The following ERC2 variants were observed in gnomAD, a reference collection of about 807,000 sequenced individuals.
ERC2 encodes ERC protein 2.
Under a neutral mutation model 114.8 loss-of-function variants are expected in ERC2, and 42 were observed. The ratio of observed to expected loss-of-function variants is 0.37; its 90% CI spans 0.29 to 0.47. The LOEUF (loss-of-function observed/expected upper bound fraction) is 0.47. ERC2 is among the 20% of genes least tolerant of loss of function. The probability of loss-of-function intolerance (pLI) is 0.99; values close to 1 mark genes in which losing one functional copy is unlikely to be tolerated. For synonymous variants in ERC2, 454 were observed against 425.5 expected (o/e 1.07, Z -0.82); for missense variants, 939 against 1,150.7 (o/e 0.82, Z 2.66).
chr3:55,757,857 C>A (rs192675377), intron 14 of ERC2, among the ~76,000 whole-genome samples: 5 of 152,078 alleles, frequency 3.3e-5, no homozygotes, highest in Admixed American at 2.0e-4. Context: ...ACTCTTAGAT[C>A]ATTAAAAGTC....
intron 13 of ERC2, among the ~76,000 whole-genome samples, chr3:55,939,595 C>T (rs1040102646): frequency 3.3e-5 from 5 of 152,240 alleles, no homozygotes; most frequent in African/African-American, 1.2e-4. Flanking sequence ...AGAACCATCA[C>T]TCTGATAAAC....
chr3:56,162,493 G>C (rs551079732), intron 4 of ERC2, among the ~76,000 whole-genome samples: 8 of 152,258 alleles, frequency 5.3e-5, no homozygotes, highest in African/African-American at 1.9e-4. Context: ...ATTCAACTGT[G>C]AACCCATCCA....
chr3:56,187,301 A>G (rs1198471631), intron 3 of ERC2, among the ~76,000 whole-genome samples: 1 of 152,178 alleles, frequency 6.6e-6, no homozygotes, highest in East Asian at 1.9e-4. Context: ...CAGCCACTGG[A>G]GGATGGGTGC....
At chr3:56,372,096 A>G (rs1486972206) in intron 2 of ERC2, among the ~76,000 whole-genome samples, 4 of 152,198 alleles carry the variant, frequency 2.6e-5, no homozygotes, top group Non-Finnish European at 2.9e-5. Flanking sequence ...CCCACAAGAA[A>G]ATGAGCTAAA....
chr3:55,923,405 G>A lies in ERC2; in HGVS notation c.2403+27020C>T, dbSNP rs146672176. Among the ~76,000 whole-genome samples the A allele has an allele frequency of 1.2e-4, 18 of 152,200 alleles. No individual in the cohort carries two copies. The East Asian group carries it at 3.5e-3, about 29-fold the overall frequency. On this transcript the variant is annotated intron_variant, in intron 13 of 17. Coordinates refer to ENST00000288221, the MANE Select transcript of ERC2 (RefSeq NM_015576.3). The stretch of plus-strand genomic sequence containing the variant: ...GGTATGAGGTTATTGGTGAGTTACT[G>A]TTTAACAGATATAGAGTTTCAGTTC...
At chr3:56,216,440 C>A (rs1437438592) in intron 3 of ERC2, among the ~76,000 whole-genome samples, 1 of 152,074 alleles carries the variant, frequency 6.6e-6, no homozygotes, top group Non-Finnish European at 1.5e-5. Flanking sequence ...GAGACCAAAC[C>A]AGGAAGAAGT....
chr3:55,922,172 C>A (rs1313203847), intron 13 of ERC2, among the ~76,000 whole-genome samples: 3 of 152,100 alleles, frequency 2.0e-5, no homozygotes, highest in Non-Finnish European at 4.4e-5. Context: ...TACATTAAAG[C>A]TTAATTTAAA....
intron 6 of ERC2, among the ~76,000 whole-genome samples, chr3:56,100,587 AG>A (rs1253449341): frequency 6.6e-6 from 1 of 152,276 alleles, no homozygotes; most frequent in Non-Finnish European, 1.5e-5. Flanking sequence ...AACAATTCTA[AG>A]TATTGTTTGC....
intron 14 of ERC2, among the ~76,000 whole-genome samples, chr3:55,887,937 G>C (rs1194271742): frequency 6.6e-6 from 1 of 152,242 alleles, no homozygotes; most frequent in Non-Finnish European, 1.5e-5. Flanking sequence ...GAGACTCTGT[G>C]AGAGTCAACA....
At chr3:55,743,225 C>T (rs1377556999) in intron 14 of ERC2, among the ~76,000 whole-genome samples, 1 of 151,806 alleles carries the variant, frequency 6.6e-6, no homozygotes, top group African/African-American at 2.4e-5. Flanking sequence ...CTGTTCCTTG[C>T]TCAGTGCATG....
chr3:55,874,999 C>T (rs2149290946), intron 14 of ERC2, among the ~76,000 whole-genome samples: 1 of 152,248 alleles, frequency 6.6e-6, no homozygotes, highest in East Asian at 1.9e-4. Context: ...ACCTGAAGTG[C>T]CTCTTACTGG....
At chr3:56,144,377 CA>C (rs2081028937) in intron 5 of ERC2, among the ~76,000 whole-genome samples, 1 of 152,206 alleles carries the variant, frequency 6.6e-6, no homozygotes, top group African/African-American at 2.4e-5. Flanking sequence ...ACACTCTTCT[CA>C]GGGGGGTATG....
At chr3:56,221,821 G>A (rs1437773338) in intron 3 of ERC2, among the ~76,000 whole-genome samples, 1 of 151,980 alleles carries the variant, frequency 6.6e-6, no homozygotes, top group Non-Finnish European at 1.5e-5. Context: ...GGAGAATGGT[G>A]TGAACCCAGG....
chr3:55,841,935 C>T (rs2061152895), intron 14 of ERC2, among the ~76,000 whole-genome samples: 1 of 152,116 alleles, frequency 6.6e-6, no homozygotes, highest in African/African-American at 2.4e-5. Context: ...TAATAGTCAG[C>T]CTAGCCTGAA....
At chr3:56,090,147 C>A (rs377604735) in intron 6 of ERC2, among the ~76,000 whole-genome samples, 33 of 152,304 alleles carry the variant, frequency 2.2e-4, no homozygotes, top group African/African-American at 7.7e-4. Flanking sequence ...AACTCTTTCA[C>A]GTCAATCTCT....
chr3:56,004,542 G>A (rs1367035645), intron 10 of ERC2, among the ~76,000 whole-genome samples: 1 of 151,994 alleles, frequency 6.6e-6, no homozygotes, highest in African/African-American at 2.4e-5. Context: ...GTGTCTGAAT[G>A]TTCTCCACAA....
intron 14 of ERC2, among the ~76,000 whole-genome samples, chr3:55,802,377 A>G (rs187465654): frequency 9.7e-4 from 148 of 152,276 alleles, no homozygotes; most frequent in African/African-American, 3.3e-3. Flanking sequence ...GGGGACGGGG[A>G]GGTATGAAGT....
chr3:56,337,010 G>A (rs1020734539), intron 2 of ERC2, among the ~76,000 whole-genome samples: 1 of 152,046 alleles, frequency 6.6e-6, no homozygotes, highest in Admixed American at 6.6e-5. Flanking sequence ...TTTAATAGAG[G>A]TTTGAGAGGT....
At chr3:55,828,230 T>C (rs1334781202) in intron 14 of ERC2, among the ~76,000 whole-genome samples, 3 of 152,226 alleles carry the variant, frequency 2.0e-5, no homozygotes, top group Non-Finnish European at 4.4e-5. Flanking sequence ...ACCAGCTCTC[T>C]TACTCATTAC....
Sources: gnomAD v4.1 joint callset for allele counts (sites outside exome capture counted in the v4.1 genomes callset) on GRCh38, gnomAD v4.1.1 for gene constraint, MANE v1.5 for transcripts, NCBI Gene and HGNC (gene_info 2026-07-23, HGNC 2026-07-21) for gene names.